BORCS5: variants seen among roughly 807,000 people sequenced by gnomAD.
The protein encoded by BORCS5 is BLOC-1 related complex subunit 5.
BORCS5 carries 17 observed loss-of-function variants against 22.1 expected under a neutral mutation model. The ratio of observed to expected loss-of-function variants is 0.77; its 90% CI spans 0.53 to 1.15. The LOEUF (loss-of-function observed/expected upper bound fraction) is 1.15. Ranked by LOEUF, BORCS5 falls within the 50% of genes most tolerant of loss-of-function variation. BORCS5 has a pLI of 0.00. For missense variants in BORCS5, 247 were observed against 253.2 expected, an observed-to-expected ratio of 0.98 and a Z score of 0.17; for synonymous variants, 117 against 99.8, an observed-to-expected ratio of 1.17 and a Z score of -1.03.
At chr12:12,374,212 C>T (rs551600164) in intron 2 of BORCS5, among the ~76,000 whole-genome samples, 1 of 151,440 alleles carries the variant, frequency 6.6e-6, no homozygotes, top group African/African-American at 2.4e-5. Flanking sequence ...AGGATGGTCT[C>T]GATCTCCTGA....
chr12:12,406,039 G>A (rs950785121), intron 2 of BORCS5, among the ~76,000 whole-genome samples: 1 of 152,324 alleles, frequency 6.6e-6, no homozygotes, highest in Non-Finnish European at 1.5e-5. Flanking sequence ...ATTGGTGACC[G>A]GACTTTGCCA....
chr12:12,414,753 C>T (rs1255060888), intron 2 of BORCS5, among the ~76,000 whole-genome samples: 165 of 129,888 alleles, frequency 1.3e-3, no homozygotes, highest in Non-Finnish European at 2.0e-3. Context: ...ACTTCCCAGA[C>T]GGGGTGGCTG....
rs1034958895 is a variant in BORCS5, at chr12:12,470,477, T to C, written c.*4701T>C. Among the ~76,000 whole-genome samples the C allele has an allele frequency of 5.9e-5, 9 of 152,130 alleles. No homozygotes were observed. The highest frequency in any genetic ancestry group is 8.8e-5 in the Non-Finnish European group (6 of 68,026). On this transcript the variant is annotated 3_prime_UTR_variant, in exon 4 of 4. Transcript: ENST00000314565. ...ACTCCCCTAAGAGCGTGAACCCTAT[T>C]GTGAACTGCGCACGTGAAGGATCTA...
At chr12:12,443,865 C>T (rs1325283489) in intron 3 of BORCS5, among the ~76,000 whole-genome samples, 1 of 152,228 alleles carries the variant, frequency 6.6e-6, no homozygotes, top group East Asian at 1.9e-4. Flanking sequence ...CCCTCCCCTG[C>T]TCATTTCCAG....
intron 2 of BORCS5, among the ~76,000 whole-genome samples, chr12:12,373,360 C>G (rs1863573199): frequency 6.6e-6 from 1 of 152,196 alleles, no homozygotes; most frequent in Non-Finnish European, 1.5e-5. Flanking sequence ...ACCAAGACAC[C>G]TCCCTGGTCT....
At chr12:12,363,301 GAAA>G (rs71061051) in intron 2 of BORCS5, among the ~76,000 whole-genome samples, 5 of 127,630 alleles carry the variant, frequency 3.9e-5, no homozygotes, top group African/African-American at 1.2e-4. Context: ...TGCCTCAAAA[GAAA>G]AAAAAAAAAA....
chr12:12,435,648 T>TC lies in BORCS5; in HGVS notation c.227dup (p.Thr77AsnfsTer34). ...TGAAGGGCTATTGAGTGGCCAGACTTCCCCAACAAATGCCAAATTGGAGAA... is the reference window on the plus strand; with the variant it reads ...TGAAGGGCTATTGAGTGGCCAGACTTCCCCCAACAAATGCCAAATTGGAGAA... On this transcript the variant is annotated frameshift_variant, in exon 3 of 4. Coordinates refer to ENST00000314565, the MANE Select transcript of BORCS5 (RefSeq NM_058169.6). LOFTEE classifies it high-confidence loss of function. 6.2e-7 allele frequency: 1 copy of TC among 1,613,936 alleles called. No individual in the cohort carries two copies. The highest frequency in any genetic ancestry group is 8.5e-7 in the Non-Finnish European group (1 of 1,179,962).
chr12:12,416,121 T>C (rs1299949119), intron 2 of BORCS5, among the ~76,000 whole-genome samples: 1 of 152,206 alleles, frequency 6.6e-6, no homozygotes, highest in Non-Finnish European at 1.5e-5. Flanking sequence ...GTACAATTAC[T>C]CATAGTACCT....
chr12:12,360,567 AT>A (rs35965943), intron 1 of BORCS5, among the ~76,000 whole-genome samples: 40,547 of 89,070 alleles, frequency 0.46, 8,798 homozygotes, highest in East Asian at 0.67. Flanking sequence ...ATTAAAAGAA[AT>A]TTTTTTTTTT....
intron 1 of BORCS5, among the ~76,000 whole-genome samples, chr12:12,359,008 T>G (rs1017003611): frequency 6.6e-6 from 1 of 152,192 alleles, no homozygotes; most frequent in African/African-American, 2.4e-5. Context: ...ATAATGAGCC[T>G]GGGAATATTA....
intron 2 of BORCS5, among the ~76,000 whole-genome samples, chr12:12,375,362 G>T (rs1863626155): frequency 6.6e-6 from 1 of 152,220 alleles, no homozygotes; most frequent in African/African-American, 2.4e-5. Flanking sequence ...AGTGGCTGAT[G>T]CCTGTGATCA....
At chr12:12,423,313 A>G (rs1942188878) in intron 2 of BORCS5, among the ~76,000 whole-genome samples, 1 of 152,056 alleles carries the variant, frequency 6.6e-6, no homozygotes, top group Middle Eastern at 3.4e-3. Flanking sequence ...ATAATTTGCC[A>G]TATATTTACC....
intron 2 of BORCS5, among the ~76,000 whole-genome samples, chr12:12,390,079 A>C (rs989482127): frequency 6.6e-6 from 1 of 152,050 alleles, no homozygotes; most frequent in Non-Finnish European, 1.5e-5. Flanking sequence ...CATCTTTTCC[A>C]CATAGGCCTG....
At chr12:12,360,348 G>A (rs947190836) in intron 1 of BORCS5, among the ~76,000 whole-genome samples, 7 of 152,140 alleles carry the variant, frequency 4.6e-5, no homozygotes, top group South Asian at 2.1e-4. Context: ...GCGACAGAGC[G>A]AGGCTCTGCC....
intron 2 of BORCS5, among the ~76,000 whole-genome samples, chr12:12,409,049 C>T (rs904885957): frequency 3.9e-5 from 6 of 152,016 alleles, no homozygotes; most frequent in Middle Eastern, 3.2e-3. Flanking sequence ...TACCATGTTA[C>T]GTCTCCACCA....
rs1026338949 is a variant in BORCS5 at position 12,393,767 on chromosome 12, C to T, written c.202+32418C>T. Among the ~76,000 whole-genome samples the T allele has an allele frequency of 4.6e-5, 7 of 150,932 alleles. 1 individual carries two copies. Among genetic ancestry groups the T allele is most frequent in the African/African-American group, 1.2e-4 (5 of 40,820 alleles). ...ACTCCTGACTTCAGGTAGATCTGCC[C>T]GCCTTGGCCTTCCAAAGTGCTGGGA... On this transcript the variant is annotated intron_variant, in intron 2 of 3. Transcript: ENST00000314565.
intron 2 of BORCS5, among the ~76,000 whole-genome samples, chr12:12,403,501 G>A (rs1406593105): frequency 6.6e-6 from 1 of 152,068 alleles, no homozygotes; most frequent in African/African-American, 2.4e-5. Flanking sequence ...CTGCTTCTGA[G>A]GAAACTGAAG....
intron 2 of BORCS5, among the ~76,000 whole-genome samples, chr12:12,431,652 G>A (rs935386290): frequency 6.6e-5 from 10 of 150,970 alleles, no homozygotes; most frequent in Non-Finnish European, 1.2e-4. Context: ...TGCCCGCCTC[G>A]GCTTCCCAAA....
At chr12:12,455,298 C>T (rs1026632695) in intron 3 of BORCS5, among the ~76,000 whole-genome samples, 1 of 152,192 alleles carries the variant, frequency 6.6e-6, no homozygotes, top group African/African-American at 2.4e-5. Context: ...GCCTCCTCCT[C>T]CCAGCCTCCA....
Sources: gnomAD v4.1 joint callset for allele counts (sites outside exome capture counted in the v4.1 genomes callset) on GRCh38, gnomAD v4.1.1 for gene constraint, MANE v1.5 for transcripts, NCBI Gene and HGNC (gene_info 2026-07-23, HGNC 2026-07-21) for gene names.